RAP1GDS1: variants seen among roughly 807,000 people sequenced by gnomAD.
The protein encoded by RAP1GDS1 is Rap1 GTPase-GDP dissociation stimulator 1.
RAP1GDS1 carries 35 observed loss-of-function variants against 71.1 expected under a neutral mutation model. That is an observed-to-expected ratio of 0.49 (90% CI 0.38 to 0.65). The LOEUF (loss-of-function observed/expected upper bound fraction) is 0.65, where lower values mean the gene tolerates loss of function less well. RAP1GDS1 is among the 30% of genes least tolerant of loss of function. RAP1GDS1 has a pLI of 0.00. For synonymous variants in RAP1GDS1, 229 were observed against 243.1 expected (o/e 0.94, Z 0.54); for missense variants, 663 against 706.1 (o/e 0.94, Z 0.69).
At chr4:98,295,494 ACTGGG>A (rs1727606452) in intron 2 of RAP1GDS1, among the ~76,000 whole-genome samples, 1 of 152,094 alleles carries the variant, frequency 6.6e-6, no homozygotes, top group Admixed American at 6.6e-5. Flanking sequence ...TATGTTTAGC[ACTGGG>A]CTGGGGATTA....
At chr4:98,284,319 A>G (rs1446342987) in intron 1 of RAP1GDS1, among the ~76,000 whole-genome samples, 1 of 152,146 alleles carries the variant, frequency 6.6e-6, no homozygotes, top group East Asian at 1.9e-4. Context: ...GGTACAAATG[A>G]TCCCATCACC....
intron 6 of RAP1GDS1, among the ~76,000 whole-genome samples, chr4:98,400,536 A>AAC (rs1745240169): frequency 6.6e-6 from 1 of 150,614 alleles, no homozygotes; most frequent in African/African-American, 2.5e-5. Flanking sequence ...AGTAAAAAAA[A>AAC]AAAAAAAAAA....
At chr4:98,328,869 C>T (rs1452170024) in intron 2 of RAP1GDS1, among the ~76,000 whole-genome samples, 1 of 152,098 alleles carries the variant, frequency 6.6e-6, no homozygotes, top group African/African-American at 2.4e-5. Context: ...TCAATAATTG[C>T]CTGTAAGAAG....
At position 98,379,109 on chromosome 4, in the gene RAP1GDS1, G is replaced by A. The variant is rs61758811; in HGVS notation, c.454G>A (p.Glu152Lys). 417 of 1,610,792 alleles carry A rather than the reference G, an allele frequency of 2.6e-4. No homozygotes were observed. Among genetic ancestry groups the A allele is most frequent in the Non-Finnish European group, 3.2e-4 (373 of 1,178,308 alleles). ...GTGCAGTATAACAGATCCCGCCAAT[G>A]AGAAGCTCTTGACTGTCTTTTGTGG... is the stretch of plus-strand genomic sequence containing the variant. ...SLCSITDPANEKLLTVFCGML... is the reference protein window; with the variant it reads ...SLCSITDPANKKLLTVFCGML... The change falls in exon 5 of 15, where the codon GAG becomes AAG. Residue 152 changes from glutamate (E) to lysine (K), a missense_variant. Physicochemically the swap from Glu to Lys is moderately conservative, Grantham distance 56. Coordinates refer to ENST00000408927, the MANE Select transcript of RAP1GDS1 (RefSeq NM_001100427.2).
chr4:98,360,983 G>A (rs1186948409), intron 4 of RAP1GDS1, among the ~76,000 whole-genome samples: 1 of 151,598 alleles, frequency 6.6e-6, no homozygotes, highest in Non-Finnish European at 1.5e-5. Flanking sequence ...AGCTTTGGGA[G>A]GCTGGGGCAT....
chr4:98,429,148 C>T (rs1017987506), intron 12 of RAP1GDS1, among the ~76,000 whole-genome samples: 8 of 151,722 alleles, frequency 5.3e-5, no homozygotes, highest in Non-Finnish European at 1.0e-4. Flanking sequence ...GTCCCAGCTA[C>T]GCTGGAGGCT....
intron 14 of RAP1GDS1, chr4:98,441,363 C>T (rs1751844287): frequency 1.0e-6 from 1 of 984,768 alleles, no homozygotes. Context: ...GACAAAAAAT[C>T]TAAAAGGGAG....
At position 98,394,359 on chromosome 4, in the gene RAP1GDS1, C is replaced by T. The variant is rs16996572; in HGVS notation, c.637+2279C>T. On this transcript the variant is annotated intron_variant, in intron 6 of 14. Coordinates refer to ENST00000408927, the MANE Select transcript of RAP1GDS1 (RefSeq NM_001100427.2). ...AAAGTATTAGTCATTATTACCGCCT[C>T]TTATGAAAAGAGCATAACAAGAACT... Among the ~76,000 whole-genome samples, 861 of 152,224 alleles carry T rather than the reference C, an allele frequency of 5.7e-3. 17 individuals carry two copies. The highest frequency in any genetic ancestry group is 0.042 in the East Asian group (217 of 5,186).
intron 4 of RAP1GDS1, among the ~76,000 whole-genome samples, chr4:98,369,807 T>C (rs1175045113): frequency 6.6e-6 from 1 of 152,216 alleles, no homozygotes; most frequent in South Asian, 2.1e-4. Context: ...CACTCATCAG[T>C]TAAACACACT....
intron 11 of RAP1GDS1, 65 bp from the exon 12 acceptor site, chr4:98,421,190 G>C: frequency 6.9e-7 from 1 of 1,458,376 alleles, no homozygotes; most frequent in South Asian, 1.5e-5. Context: ...TCTCAAATCT[G>C]TACGAATTAT....
intron 1 of RAP1GDS1, among the ~76,000 whole-genome samples, chr4:98,275,341 A>C (rs1393033863): frequency 2.0e-5 from 3 of 152,158 alleles, no homozygotes; most frequent in Non-Finnish European, 4.4e-5. Flanking sequence ...TGTCACTGCA[A>C]TTTGTAGTGC....
intron 2 of RAP1GDS1, among the ~76,000 whole-genome samples, chr4:98,324,368 G>A (rs1732558228): frequency 6.6e-6 from 1 of 152,164 alleles, no homozygotes; most frequent in African/African-American, 2.4e-5. Flanking sequence ...CAGATTCAAT[G>A]GCATCCCCAT....
intron 1 of RAP1GDS1, among the ~76,000 whole-genome samples, chr4:98,280,981 G>A (rs973108995): frequency 6.6e-6 from 1 of 152,096 alleles, no homozygotes; most frequent in Non-Finnish European, 1.5e-5. Flanking sequence ...CTCTGTTTTG[G>A]TACCAGTACC....
At chr4:98,331,300 G>A (rs1214124503) in intron 2 of RAP1GDS1, among the ~76,000 whole-genome samples, 4 of 150,444 alleles carry the variant, frequency 2.7e-5, no homozygotes, top group African/African-American at 7.4e-5. Context: ...AGACGGAGAC[G>A]AAGGAGAGGG....
At chr4:98,441,460 T>G in intron 14 of RAP1GDS1, 2 of 985,358 alleles carry the variant, frequency 2.0e-6, no homozygotes, top group Non-Finnish European at 2.4e-6. Flanking sequence ...CCTAAGCTTT[T>G]TGGTAAGTCA....
intron 1 of RAP1GDS1, among the ~76,000 whole-genome samples, chr4:98,288,241 C>T (rs1190751884): frequency 6.6e-6 from 1 of 152,088 alleles, no homozygotes; most frequent in Non-Finnish European, 1.5e-5. Flanking sequence ...TCCATGTGTT[C>T]TCAGTGTTCA....
At chr4:98,376,352 G>A (rs13129154) in intron 4 of RAP1GDS1, among the ~76,000 whole-genome samples, 80 of 152,156 alleles carry the variant, frequency 5.3e-4, no homozygotes, top group Non-Finnish European at 1.0e-3. Flanking sequence ...TTATTTTTAA[G>A]TGAACAATAA....
intron 2 of RAP1GDS1, among the ~76,000 whole-genome samples, chr4:98,330,735 C>T (rs1376712393): frequency 4.0e-5 from 6 of 149,396 alleles, no homozygotes; most frequent in Non-Finnish European, 8.9e-5. Flanking sequence ...ACATCCCAGA[C>T]GATGGGCGGC....
intron 1 of RAP1GDS1, among the ~76,000 whole-genome samples, chr4:98,263,848 C>T (rs1004377266): frequency 1.3e-5 from 2 of 152,130 alleles, no homozygotes; most frequent in Non-Finnish European, 2.9e-5. Flanking sequence ...TGTACCATGC[C>T]TCCCAGTACA....
Sources: allele counts gnomAD v4.1 joint callset (sites outside exome capture counted in the v4.1 genomes callset), GRCh38; gene constraint gnomAD v4.1.1; transcripts MANE v1.5; gene names NCBI Gene and HGNC (gene_info 2026-07-23, HGNC 2026-07-21).